Variants in EHBP1 observed in about 807,000 individuals in gnomAD.
EHBP1 encodes the protein EH domain binding protein 1, also known as EH domain-binding protein 1.
Under a neutral mutation model 144.0 loss-of-function variants are expected in EHBP1, and 55 were observed. The observed-to-expected ratio is 0.38, with a 90% CI of 0.31 to 0.48. EHBP1 has a LOEUF of 0.48. EHBP1 is among the 20% of genes least tolerant of loss of function. EHBP1 has a pLI of 0.98. For missense variants in EHBP1, 1,200 were observed against 1,364.2 expected (o/e 0.88, Z 1.90); for synonymous variants, 469 against 472.7 (o/e 0.99, Z 0.10).
At chr2:63,044,025 TC>T (rs1191903528) in intron 21 of EHBP1, 5 of 140,406 alleles carry the variant, frequency 3.6e-5, no homozygotes, top group Non-Finnish European at 7.7e-5. Flanking sequence ...ATCTGCCTCA[TC>T]ATCTACTTCT....
At chr2:62,754,658 C>G (rs1179704467) in intron 3 of EHBP1, among the ~76,000 whole-genome samples, 2 of 152,212 alleles carry the variant, frequency 1.3e-5, no homozygotes, top group East Asian at 1.9e-4. Flanking sequence ...AGCTTCCTGA[C>G]TGCTCTGTCT....
At chr2:62,748,040 G>T (rs1239564952) in intron 3 of EHBP1, among the ~76,000 whole-genome samples, 1 of 152,028 alleles carries the variant, frequency 6.6e-6, no homozygotes, top group Non-Finnish European at 1.5e-5. Context: ...GCGGCATGTT[G>T]TTACACCAAC....
In EHBP1 at chr2:62,870,930, A is replaced by G. The variant is rs188764268; in HGVS notation, c.999-3416A>G. 7.5e-3 allele frequency among the ~76,000 whole-genome samples: 1,137 copies of G among 152,084 alleles called. 50 individuals are homozygous for G. The highest frequency in any genetic ancestry group is 0.065 in the Admixed American group (998 of 15,260). Reference sequence around the variant, plus strand: ...AAACCTAAAAAAGTTCTAATCTCCAAAAATCTCAGAGTTACATCATAATAA... The same window carrying G: ...AAACCTAAAAAAGTTCTAATCTCCAGAAATCTCAGAGTTACATCATAATAA... On this transcript the variant is annotated intron_variant, in intron 9 of 22. Coordinates refer to ENST00000431489, the MANE Select transcript of EHBP1 (RefSeq NM_001142616.3).
In EHBP1 at chr2:63,045,568, C is replaced by A; in HGVS notation, c.*68C>A. ...GCTTCCCAAACCAGAAAAAGTCAGA[C>A]TCATTGTTGATTTAAAACTTTTAAC... is the stretch of plus-strand genomic sequence containing the variant. On this transcript the variant is annotated 3_prime_UTR_variant, in exon 23 of 23. Coordinates refer to ENST00000431489, the MANE Select transcript of EHBP1 (RefSeq NM_001142616.3). This position sits in a 1 kb window ranked among gnomAD's most constrained non-coding sequence, Gnocchi z 5.7. 5 of 1,310,118 alleles carry A rather than the reference C, an allele frequency of 3.8e-6. No individual in the cohort carries two copies. The highest frequency in any genetic ancestry group is 5.4e-6 in the Non-Finnish European group (5 of 926,376). The allele number at this position is 1,310,118 out of a possible 1,614,324, so 81.2% of individuals were successfully genotyped here. A position where few individuals can be genotyped will look rare whatever the true frequency, so the allele number is the denominator to read the frequency against.
upstream of EHBP1, among the ~76,000 whole-genome samples, chr2:62,705,217 G>A (rs573341635): frequency 7.9e-5 from 12 of 152,230 alleles, no homozygotes; most frequent in East Asian, 2.1e-3. Context: ...AGTGGCGGAG[G>A]AGAGGGCGCG....
chr2:62,891,223 G>C (rs191927261), intron 10 of EHBP1, among the ~76,000 whole-genome samples: 1 of 150,828 alleles, frequency 6.6e-6, no homozygotes, highest in African/African-American at 2.4e-5. Flanking sequence ...TATGACTCAA[G>C]AAGAAATTAT....
chr2:62,923,491 A>T (rs2055249836), intron 10 of EHBP1, among the ~76,000 whole-genome samples: 1 of 152,140 alleles, frequency 6.6e-6, no homozygotes, highest in South Asian at 2.1e-4. Flanking sequence ...AATTGGCCCC[A>T]TGCCCACAGC....
At chr2:62,836,042 CACAG>C (rs1027496975) in intron 7 of EHBP1, among the ~76,000 whole-genome samples, 6 of 152,012 alleles carry the variant, frequency 3.9e-5, no homozygotes, top group Admixed American at 6.5e-5. Flanking sequence ...GGGGGCAGGG[CACAG>C]ACAAACAAAA....
intron 2 of EHBP1, among the ~76,000 whole-genome samples, chr2:62,718,936 G>A (rs953583897): frequency 8.6e-5 from 13 of 151,546 alleles, no homozygotes; most frequent in Admixed American, 2.0e-4. Flanking sequence ...TTCCATATAA[G>A]CAAAGAGTGT....
chr2:62,757,502 C>G (rs1181423465), intron 3 of EHBP1, among the ~76,000 whole-genome samples: 1 of 142,070 alleles, frequency 7.0e-6, no homozygotes, highest in East Asian at 2.1e-4. Flanking sequence ...GGGATGATCT[C>G]GGCGCACTGC....
intron 5 of EHBP1, among the ~76,000 whole-genome samples, chr2:62,819,433 G>A (rs1285822510): frequency 6.6e-6 from 1 of 152,144 alleles, no homozygotes; most frequent in African/African-American, 2.4e-5. Context: ...GGATATAGGT[G>A]TAAAAATATT....
rs532416235 is a variant in EHBP1, at chr2:62,802,592, C to T, written c.313-23495C>T. On this transcript the variant is annotated intron_variant, in intron 5 of 22. Coordinates refer to ENST00000431489, the MANE Select transcript of EHBP1 (RefSeq NM_001142616.3). ...ATAAAAGATATAAACAATAAAGAAA[C>T]GTATAAAGTAACAAAATGAAAGTTC... 5.3e-5 allele frequency among the ~76,000 whole-genome samples: 8 copies of T among 151,902 alleles called. No homozygotes were observed. In the South Asian group the frequency reaches 6.2e-4, roughly 12 times the overall value.
At chr2:62,988,109 A>C in intron 15 of EHBP1, 4 of 815,462 alleles carry the variant, frequency 4.9e-6, no homozygotes, top group South Asian at 1.6e-5. Context: ...TTATTATCTC[A>C]TCAATAATAA....
intron 15 of EHBP1, among the ~76,000 whole-genome samples, chr2:62,983,327 G>A (rs1028019801): frequency 5.9e-5 from 9 of 152,006 alleles, no homozygotes; most frequent in Admixed American, 2.6e-4. Context: ...GGCCAAATAC[G>A]TATTAAATTT....
At chr2:62,737,683 C>T (rs2038285301) in intron 2 of EHBP1, among the ~76,000 whole-genome samples, 2 of 152,120 alleles carry the variant, frequency 1.3e-5, no homozygotes, top group Admixed American at 6.5e-5. Flanking sequence ...GACTATTTTT[C>T]GTAGCAGTCC....
At position 62,903,939 on chromosome 2, in the gene EHBP1, C is replaced by T. The variant is rs1470492805; in HGVS notation, c.1185+29407C>T. Among the ~76,000 whole-genome samples the T allele has an allele frequency of 2.0e-5, 3 of 152,186 alleles. No homozygotes were observed. The East Asian group carries it at 5.8e-4, about 29-fold the overall frequency. On this transcript the variant is annotated intron_variant, in intron 10 of 22. Coordinates refer to ENST00000431489, the MANE Select transcript of EHBP1 (RefSeq NM_001142616.3). ...TTGATTTTGCAGTGATCATTTAAAA[C>T]CTGAGTACATATCTTACTTCCACCA...
intron 10 of EHBP1, among the ~76,000 whole-genome samples, chr2:62,914,597 G>A (rs2054464874): frequency 6.6e-6 from 1 of 151,996 alleles, no homozygotes; most frequent in African/African-American, 2.4e-5. Flanking sequence ...TGTATATTTA[G>A]TGAGCAAAAG....
At chr2:62,913,062 C>T (rs544654332) in intron 10 of EHBP1, among the ~76,000 whole-genome samples, 1 of 152,300 alleles carries the variant, frequency 6.6e-6, no homozygotes, top group Non-Finnish European at 1.5e-5. Flanking sequence ...ACGATGTCTG[C>T]ATTCTCCCCT....
At chr2:62,858,838 G>T (rs1163970611) in intron 7 of EHBP1, among the ~76,000 whole-genome samples, 1 of 152,084 alleles carries the variant, frequency 6.6e-6, no homozygotes, top group Admixed American at 6.5e-5. Flanking sequence ...GCCCATTTCA[G>T]TTATTCCTGT....
Sources: gnomAD v4.1 joint callset for allele counts (sites outside exome capture counted in the v4.1 genomes callset) on GRCh38, gnomAD v4.1.1 for gene constraint, Gnocchi (gnomAD v3.1) non-coding constraint, MANE v1.5 for transcripts, NCBI Gene and HGNC (gene_info 2026-07-23, HGNC 2026-07-21) for gene names.